The following MECOM variants were observed in gnomAD, a reference collection of about 807,000 sequenced individuals.
The protein encoded by MECOM is histone-lysine N-methyltransferase MECOM.
MECOM carries 13 observed loss-of-function variants against 116.3 expected under a neutral mutation model. That is an observed-to-expected ratio of 0.11 (90% CI 0.07 to 0.18). MECOM has a LOEUF of 0.18. Among genes scored for constraint, MECOM ranks in the 10% least tolerant of loss-of-function variants. MECOM has a pLI of 1.00. For missense variants in MECOM, 1,299 were observed against 1,509.0 expected, an observed-to-expected ratio of 0.86 and a Z score of 2.31; for synonymous variants, 528 against 535.2, an observed-to-expected ratio of 0.99 and a Z score of 0.19.
intron 2 of MECOM, among the ~76,000 whole-genome samples, chr3:169,154,065 T>C (rs1157079511): frequency 2.6e-5 from 4 of 152,252 alleles, no homozygotes; most frequent in Admixed American, 1.3e-4. Flanking sequence ...GTGTTTTTTT[T>C]CTCTCAAGCT....
chr3:169,190,411 A>T (rs531022301), intron 2 of MECOM, among the ~76,000 whole-genome samples: 1 of 152,010 alleles, frequency 6.6e-6, no homozygotes, highest in African/African-American at 2.4e-5. Flanking sequence ...CTATTTTATG[A>T]TCTATATCAG....
At chr3:169,418,310 T>C (rs974295853) in intron 1 of MECOM, among the ~76,000 whole-genome samples, 3 of 152,094 alleles carry the variant, frequency 2.0e-5, no homozygotes, top group Non-Finnish European at 4.4e-5. Context: ...AGCTGAATTC[T>C]ACCAGAGGTA....
intron 1 of MECOM, chr3:169,483,720 C>T (rs928151467): frequency 9.5e-6 from 15 of 1,585,888 alleles, no homozygotes; most frequent in Admixed American, 1.7e-5. Flanking sequence ...CTGGAAGTAA[C>T]GTAATTCGTA....
At chr3:169,423,661 C>T (rs76355914) in intron 1 of MECOM, among the ~76,000 whole-genome samples, 1 of 151,938 alleles carries the variant, frequency 6.6e-6, no homozygotes, top group Admixed American at 6.6e-5. Context: ...AATAAGATGC[C>T]TTATTAATAG....
At chr3:169,482,738 C>T in intron 1 of MECOM, among the ~76,000 whole-genome samples, 1 of 152,148 alleles carries the variant, frequency 6.6e-6, no homozygotes. Context: ...AAGAAAGGAA[C>T]TCATATTAAC....
At chr3:169,575,786 G>T (rs184205071) in intron 1 of MECOM, among the ~76,000 whole-genome samples, 1 of 152,132 alleles carries the variant, frequency 6.6e-6, no homozygotes, top group East Asian at 1.9e-4. Context: ...TCCCTGAAAA[G>T]ACAGTATCTG....
chr3:169,636,140 G>A (rs534942692), intron 1 of MECOM, among the ~76,000 whole-genome samples: 2 of 151,524 alleles, frequency 1.3e-5, no homozygotes, highest in South Asian at 4.2e-4. Context: ...ACAGATTATT[G>A]CAGCCATCCA....
intron 5 of MECOM, among the ~76,000 whole-genome samples, chr3:169,125,731 T>C (rs181860985): frequency 6.6e-6 from 1 of 152,266 alleles, no homozygotes; most frequent in Admixed American, 6.5e-5. Context: ...CTGCTTTTCG[T>C]GGAATTTTAT....
At chr3:169,090,590 C>T (rs913706091) in intron 14 of MECOM, among the ~76,000 whole-genome samples, 1 of 151,916 alleles carries the variant, frequency 6.6e-6, no homozygotes, top group Non-Finnish European at 1.5e-5. Flanking sequence ...TACCTAATTG[C>T]CATGTAAGTA....
At chr3:169,453,080 TTAGCTTCTTAA>T (rs1745874983) in intron 1 of MECOM, among the ~76,000 whole-genome samples, 1 of 152,220 alleles carries the variant, frequency 6.6e-6, no homozygotes, top group South Asian at 2.1e-4. Flanking sequence ...AAGTTACCAA[TTAGCTTCTTAA>T]AACAATTGAA....
intron 1 of MECOM, among the ~76,000 whole-genome samples, chr3:169,537,054 C>T (rs1217574120): frequency 6.6e-6 from 1 of 152,320 alleles, no homozygotes; most frequent in African/African-American, 2.4e-5. Flanking sequence ...TACACCCTCT[C>T]CACTGGATCT....
intron 1 of MECOM, among the ~76,000 whole-genome samples, chr3:169,599,886 C>A (rs1006102621): frequency 1.3e-5 from 2 of 152,106 alleles, no homozygotes; most frequent in African/African-American, 2.4e-5. Flanking sequence ...TAGGAACCTG[C>A]CAGTTAAAAG....
chr3:169,571,816 T>G (rs1197962144), intron 1 of MECOM, among the ~76,000 whole-genome samples: 1 of 152,184 alleles, frequency 6.6e-6, no homozygotes, highest in Non-Finnish European at 1.5e-5. Flanking sequence ...GACCCCTTTC[T>G]TACACCTTAT....
At chr3:169,444,424 T>C (rs4955655) in intron 1 of MECOM, among the ~76,000 whole-genome samples, 87,330 of 151,822 alleles carry the variant, frequency 0.58, 25,576 homozygotes, top group East Asian at 0.9. Flanking sequence ...CCTTCCCGTG[T>C]TATTCTCGTG....
chr3:169,472,504 AAAGGAAAGG>A (rs1749479934), intron 1 of MECOM, among the ~76,000 whole-genome samples: 11 of 90,352 alleles, frequency 1.2e-4, no homozygotes, highest in Admixed American at 7.0e-4. Flanking sequence ...AAAGGAAAGG[AAAGGAAAGG>A]AAAGGAAAGA....
chr3:169,604,294 T>A (rs1768224429), intron 1 of MECOM, among the ~76,000 whole-genome samples: 1 of 150,904 alleles, frequency 6.6e-6, no homozygotes, highest in African/African-American at 2.4e-5. Context: ...CCTCCTTCTC[T>A]CATTCACATA....
chr3:169,282,923 G>A (rs1287270913), intron 2 of MECOM, among the ~76,000 whole-genome samples: 1 of 151,660 alleles, frequency 6.6e-6, no homozygotes, highest in Non-Finnish European at 1.5e-5. Flanking sequence ...GCAACCACTG[G>A]CATATGGCCA....
At chr3:169,266,312 T>G (rs1758294561) in intron 2 of MECOM, among the ~76,000 whole-genome samples, 2 of 152,318 alleles carry the variant, frequency 1.3e-5, no homozygotes, top group African/African-American at 4.8e-5. Context: ...TACAGTTACT[T>G]CCCCACATTA....
intron 1 of MECOM, among the ~76,000 whole-genome samples, chr3:169,524,039 A>ATATATAT (rs1757688646): frequency 5.1e-5 from 7 of 138,248 alleles, no homozygotes; most frequent in African/African-American, 1.8e-4. Flanking sequence ...TATATGAATA[A>ATATATAT]ATATATATAT....
Sources: gnomAD v4.1 joint callset for allele counts (sites outside exome capture counted in the v4.1 genomes callset) on GRCh38, gnomAD v4.1.1 for gene constraint, MANE v1.5 for transcripts, NCBI Gene and HGNC (gene_info 2026-07-23, HGNC 2026-07-21) for gene names.